GPC5: variants seen among roughly 807,000 people sequenced by gnomAD.
The protein encoded by GPC5 is glypican-5.
In GPC5, 47 loss-of-function variants were observed where a neutral mutation model predicts 53.9. That is an observed-to-expected ratio of 0.87 (90% CI 0.69 to 1.11). The LOEUF (loss-of-function observed/expected upper bound fraction) is 1.11, where lower values mean the gene tolerates loss of function less well. Among genes scored for constraint, GPC5 ranks in the 50% most tolerant of loss-of-function variants. The probability of loss-of-function intolerance (pLI) is 0.00; values close to 1 mark genes in which losing one functional copy is unlikely to be tolerated. For synonymous variants in GPC5, 286 were observed against 263.3 expected (o/e 1.09, Z -0.84); for missense variants, 748 against 713.1 (o/e 1.05, Z -0.56).
chr13:91,861,705 T>A (rs1407525300), intron 5 of GPC5, among the ~76,000 whole-genome samples: 1 of 92,482 alleles, frequency 1.1e-5, no homozygotes. Context: ...TTCATAAATA[T>A]GTTAAATAAA....
At chr13:92,225,012 C>T (rs1404561447) in intron 7 of GPC5, among the ~76,000 whole-genome samples, 1 of 152,172 alleles carries the variant, frequency 6.6e-6, no homozygotes, top group African/African-American at 2.4e-5. Context: ...TCCTTAGAAG[C>T]TAGTTTTGTC....
intron 3 of GPC5, among the ~76,000 whole-genome samples, chr13:91,715,360 T>C (rs1156600954): frequency 1.3e-5 from 2 of 152,154 alleles, no homozygotes; most frequent in East Asian, 1.9e-4. Flanking sequence ...CACGTACACA[T>C]AGATAAATTA....
intron 7 of GPC5, among the ~76,000 whole-genome samples, chr13:92,827,075 G>C (rs1008245699): frequency 1.3e-5 from 2 of 152,022 alleles, no homozygotes; most frequent in African/African-American, 4.8e-5. Context: ...TGAGAGTGGA[G>C]GTTATCATTT....
intron 7 of GPC5, among the ~76,000 whole-genome samples, chr13:92,650,747 A>G (rs17267264): frequency 0.095 from 14,450 of 152,176 alleles, 929 homozygotes; most frequent in Admixed American, 0.15. Flanking sequence ...TATGAATAAT[A>G]ATCATTGGTA....
chr13:91,833,389 TTA>T (rs920070500), intron 5 of GPC5, among the ~76,000 whole-genome samples: 6 of 152,248 alleles, frequency 3.9e-5, no homozygotes, highest in African/African-American at 1.4e-4. Context: ...CTAAGTCATT[TTA>T]TGAGGCCAGC....
At chr13:92,847,396 A>T (rs1878647522) in intron 7 of GPC5, among the ~76,000 whole-genome samples, 1 of 152,092 alleles carries the variant, frequency 6.6e-6, no homozygotes, top group Non-Finnish European at 1.5e-5. Flanking sequence ...AATCCTCAGT[A>T]TTGGAGGAGG....
chr13:91,566,402 A>G (rs1233581753), intron 2 of GPC5, among the ~76,000 whole-genome samples: 4 of 152,022 alleles, frequency 2.6e-5, no homozygotes, highest in Non-Finnish European at 4.4e-5. Flanking sequence ...TGTTTCTACT[A>G]AAATACAAAA....
At chr13:91,465,694 C>T (rs182700375) in intron 2 of GPC5, among the ~76,000 whole-genome samples, 84 of 152,022 alleles carry the variant, frequency 5.5e-4, no homozygotes, top group African/African-American at 1.9e-3. Flanking sequence ...AATATTTCAC[C>T]CCAATTTTCA....
At chr13:91,905,548 G>C (rs1173512607) in intron 5 of GPC5, among the ~76,000 whole-genome samples, 1 of 151,938 alleles carries the variant, frequency 6.6e-6, no homozygotes, top group Non-Finnish European at 1.5e-5. Context: ...TTATCAAAAA[G>C]TTTAATCACT....
At chr13:91,478,795 T>TTATATATATGTATATATA (rs1431415864) in intron 2 of GPC5, among the ~76,000 whole-genome samples, 3 of 55,368 alleles carry the variant, frequency 5.4e-5, no homozygotes, top group Admixed American at 4.7e-4. Context: ...CCATTTGAGT[T>TTATATATATGTATATATA]TATATATATA....
At chr13:92,297,599 G>A (rs1264467028) in intron 7 of GPC5, among the ~76,000 whole-genome samples, 6 of 152,134 alleles carry the variant, frequency 3.9e-5, no homozygotes, top group Non-Finnish European at 8.8e-5. Flanking sequence ...GAACCTGTGT[G>A]TCGAAACTCT....
intron 7 of GPC5, among the ~76,000 whole-genome samples, chr13:92,308,529 G>A (rs886650544): frequency 1.3e-5 from 2 of 152,134 alleles, no homozygotes; most frequent in Non-Finnish European, 2.9e-5. Context: ...TTGGAGAAAC[G>A]AAATGTATGT....
Position 92,641,497 on chromosome 13 carries a change from G to C in GPC5, c.1562-224785G>C, listed in dbSNP as rs146755998. On this transcript the variant is annotated intron_variant, in intron 7 of 7. Coordinates refer to ENST00000377067, the MANE Select transcript of GPC5 (RefSeq NM_004466.6). ...GTATATGATTCTAGACATGGAATAT[G>C]AACTACATAGATTAGATGAAAATAT... Among the ~76,000 whole-genome samples, 93 of 152,306 alleles carry C rather than the reference G, an allele frequency of 6.1e-4. 1 individual carries two copies. The East Asian group carries it at 0.017, about 27-fold the overall frequency.
chr13:91,398,957 G>T lies in GPC5; in HGVS notation c.-90G>T. The T allele has an allele frequency of 6.9e-7, 1 of 1,453,054 alleles. No homozygotes were observed. 90.0% of individuals were successfully genotyped at this position (1,453,054 alleles called of 1,614,324 possible). A position where few individuals can be genotyped will look rare whatever the true frequency, so the allele number is the denominator to read the frequency against. ...CCGGCTCGCACCGCTCGAGAGCCTC[G>T]GCCGCTGTGTCTTCCACGTCTGCAG... is the stretch of plus-strand genomic sequence containing the variant. On this transcript the variant is annotated 5_prime_UTR_variant, in exon 1 of 8. Transcript: ENST00000377067.
intron 2 of GPC5, among the ~76,000 whole-genome samples, chr13:91,562,211 A>C (rs1336556198): frequency 7.0e-6 from 1 of 142,912 alleles, no homozygotes; most frequent in Admixed American, 7.0e-5. Flanking sequence ...AAAAAAAAAA[A>C]AAAATAGAGA....
chr13:91,430,014 G>A (rs1331160766), intron 1 of GPC5, among the ~76,000 whole-genome samples: 4 of 152,164 alleles, frequency 2.6e-5, no homozygotes, highest in Non-Finnish European at 4.4e-5. Context: ...AAGAAACTAT[G>A]TTTTTAGGGA....
In GPC5 at chr13:92,286,816, A is replaced by C. The variant is rs542577623; in HGVS notation, c.1561+141827A>C. On this transcript the variant is annotated intron_variant, in intron 7 of 7. Coordinates refer to ENST00000377067, the MANE Select transcript of GPC5 (RefSeq NM_004466.6). The stretch of plus-strand genomic sequence containing the variant: ...GAGTTAATGGGTGCAGCACACCAAC[A>C]TGGCACATGTATACATATGTAACAA... Among the ~76,000 whole-genome samples the C allele has an allele frequency of 8.5e-5, 13 of 152,226 alleles. No homozygotes were observed. The South Asian group carries it at 2.7e-3, about 32-fold the overall frequency.
chr13:91,656,243 G>A (rs1182594726), intron 2 of GPC5, among the ~76,000 whole-genome samples: 1 of 152,156 alleles, frequency 6.6e-6, no homozygotes, highest in Non-Finnish European at 1.5e-5. Context: ...CTAGTTGCAT[G>A]TGCTTTCTGT....
chr13:92,185,104 A>G (rs1440431061), intron 7 of GPC5, among the ~76,000 whole-genome samples: 1 of 152,092 alleles, frequency 6.6e-6, no homozygotes, highest in Non-Finnish European at 1.5e-5. Context: ...ACTGAGTCCC[A>G]TTGTTTATTG....
Sources: allele counts gnomAD v4.1 joint callset (sites outside exome capture counted in the v4.1 genomes callset), GRCh38; gene constraint gnomAD v4.1.1; transcripts MANE v1.5; gene names NCBI Gene and HGNC (gene_info 2026-07-23, HGNC 2026-07-21).